CHST9: variants seen among roughly 807,000 people sequenced by gnomAD.
The protein encoded by CHST9 is carbohydrate sulfotransferase 9.
CHST9 carries 41 observed loss-of-function variants against 44.4 expected under a neutral mutation model. The observed-to-expected ratio is 0.92, with a 90% confidence interval of 0.72 to 1.20. CHST9 has a LOEUF of 1.20. CHST9 is among the 50% of genes most tolerant of loss of function. CHST9 has a pLI of 0.00. For missense variants in CHST9, 504 were observed against 516.5 expected, an observed-to-expected ratio of 0.98 and a Z score of 0.23; for synonymous variants, 171 against 178.4, an observed-to-expected ratio of 0.96 and a Z score of 0.33.
intron 4 of CHST9, among the ~76,000 whole-genome samples, chr18:27,013,141 A>G (rs2057105805): frequency 1.3e-5 from 2 of 152,204 alleles, no homozygotes; most frequent in Non-Finnish European, 2.9e-5. Flanking sequence ...TCAACTAGTA[A>G]TGACTTTCAT....
At chr18:27,157,247 AGTGTGTCTTT>A (rs146276890) in intron 1 of CHST9, among the ~76,000 whole-genome samples, 7,987 of 152,118 alleles carry the variant, frequency 0.053, 313 homozygotes, top group South Asian at 0.13. Flanking sequence ...TTGTTATTGT[AGTGTGTCTTT>A]TATAGAAAGA....
In CHST9 at chr18:27,090,296, C is replaced by T. The variant is rs189073663; in HGVS notation, c.122-41793G>A. 4.6e-5 allele frequency among the ~76,000 whole-genome samples: 7 copies of T among 151,878 alleles called. No individual in the cohort carries two copies. In the East Asian group the frequency reaches 1.2e-3, roughly 25 times the overall value. On this transcript the variant is annotated intron_variant, in intron 2 of 5. Coordinates refer to ENST00000618847, the MANE Select transcript of CHST9 (RefSeq NM_031422.6). The stretch of plus-strand genomic sequence containing the variant: ...TTGCCCACTTTTTGATGGGGTTGTT[C>T]GTTTTTTTCTTATAAATTTGCTTGA...
At chr18:27,139,806 C>G (rs1205741355) in intron 2 of CHST9, among the ~76,000 whole-genome samples, 1 of 152,156 alleles carries the variant, frequency 6.6e-6, no homozygotes, top group Non-Finnish European at 1.5e-5. Context: ...CCAGTCTTAA[C>G]CAAGGAAAAT....
intron 5 of CHST9, among the ~76,000 whole-genome samples, chr18:26,940,232 A>C (rs1005838410): frequency 1.3e-5 from 2 of 151,672 alleles, no homozygotes; most frequent in Admixed American, 6.6e-5. Context: ...AGAAAAAAAA[A>C]CCTGTCTTTG....
At chr18:26,989,591 A>G (rs998866281) in intron 4 of CHST9, among the ~76,000 whole-genome samples, 3 of 152,258 alleles carry the variant, frequency 2.0e-5, no homozygotes, top group African/African-American at 7.2e-5. Flanking sequence ...CAAGAGAAAT[A>G]AAAGAATGTC....
At chr18:27,147,349 G>A (rs925467059) in intron 1 of CHST9, among the ~76,000 whole-genome samples, 5 of 152,268 alleles carry the variant, frequency 3.3e-5, no homozygotes, top group South Asian at 2.1e-4. Context: ...TTACAGGTGT[G>A]AGCCACCGCA....
intron 2 of CHST9, among the ~76,000 whole-genome samples, chr18:27,081,678 G>T (rs757453784): frequency 1.9e-4 from 29 of 152,200 alleles, no homozygotes; most frequent in Non-Finnish European, 4.1e-4. Flanking sequence ...GTCAGATGTT[G>T]TGATATTTCT....
At chr18:26,988,109 C>T (rs1229196105) in intron 4 of CHST9, among the ~76,000 whole-genome samples, 1 of 151,546 alleles carries the variant, frequency 6.6e-6, no homozygotes, top group African/African-American at 2.4e-5. Context: ...ATTAAAAAAT[C>T]GATTAATCCA....
At chr18:27,167,458 C>T (rs2058799590) in intron 1 of CHST9, among the ~76,000 whole-genome samples, 1 of 152,194 alleles carries the variant, frequency 6.6e-6, no homozygotes, top group African/African-American at 2.4e-5. Context: ...TTCTGATTCT[C>T]AGTCCTAAAA....
At chr18:27,087,209 C>A (rs190908330) in intron 2 of CHST9, among the ~76,000 whole-genome samples, 1 of 152,142 alleles carries the variant, frequency 6.6e-6, no homozygotes, top group Non-Finnish European at 1.5e-5. Flanking sequence ...AGAGCCCCTT[C>A]TAAAAATTTA....
At chr18:26,991,573 G>A (rs1432163347) in intron 4 of CHST9, among the ~76,000 whole-genome samples, 4 of 152,120 alleles carry the variant, frequency 2.6e-5, no homozygotes, top group African/African-American at 7.2e-5. Flanking sequence ...TTATTACCAC[G>A]GTGTAAGAAG....
At chr18:27,145,742 T>C (rs778854404) in intron 1 of CHST9, among the ~76,000 whole-genome samples, 3 of 152,236 alleles carry the variant, frequency 2.0e-5, no homozygotes, top group Non-Finnish European at 2.9e-5. Context: ...TACTTTGCTC[T>C]TATATTGAAT....
At chr18:27,089,456 G>A (rs1235928896) in intron 2 of CHST9, among the ~76,000 whole-genome samples, 1 of 152,160 alleles carries the variant, frequency 6.6e-6, no homozygotes. Flanking sequence ...TCCCTGCAGA[G>A]GACAAGAACT....
chr18:27,128,983 C>T (rs1024511069), intron 2 of CHST9, among the ~76,000 whole-genome samples: 2 of 152,156 alleles, frequency 1.3e-5, no homozygotes, highest in African/African-American at 2.4e-5. Context: ...GTGGTCCTAA[C>T]CCTCATGGGG....
At chr18:27,133,577 C>T (rs1236742288) in intron 2 of CHST9, among the ~76,000 whole-genome samples, 1 of 152,024 alleles carries the variant, frequency 6.6e-6, no homozygotes, top group Non-Finnish European at 1.5e-5. Context: ...ACACTGGTGA[C>T]CAAAATACAA....
intron 1 of CHST9, among the ~76,000 whole-genome samples, chr18:27,166,141 C>A (rs1232446729): frequency 6.6e-6 from 1 of 152,122 alleles, no homozygotes; most frequent in Non-Finnish European, 1.5e-5. Context: ...AAAAAATGAC[C>A]TAATTTCTCA....
chr18:26,947,075 TGG>T (rs1025725611), intron 4 of CHST9, among the ~76,000 whole-genome samples: 32 of 152,334 alleles, frequency 2.1e-4, no homozygotes, highest in Admixed American at 9.8e-4. Flanking sequence ...GGTAGCTTGA[TGG>T]GGATAGCATT....
intron 3 of CHST9, among the ~76,000 whole-genome samples, chr18:27,036,565 T>G (rs2057392333): frequency 6.6e-6 from 1 of 152,170 alleles, no homozygotes; most frequent in Admixed American, 6.5e-5. Context: ...AAAGCTTCAT[T>G]TCTTAAGATC....
chr18:27,077,523 A>G (rs1016233489), intron 2 of CHST9, among the ~76,000 whole-genome samples: 2 of 152,136 alleles, frequency 1.3e-5, no homozygotes, highest in African/African-American at 4.8e-5. Context: ...CAGAGTCTTG[A>G]AAAAAAGATT....
Sources: gnomAD v4.1 joint callset for allele counts (sites outside exome capture counted in the v4.1 genomes callset) on GRCh38, gnomAD v4.1.1 for gene constraint, MANE v1.5 for transcripts, NCBI Gene and HGNC (gene_info 2026-07-23, HGNC 2026-07-21) for gene names.